Variants in HAUS6 observed in about 807,000 individuals in gnomAD.
HAUS6 encodes HAUS augmin like complex subunit 6.
A neutral mutation model predicts 106.8 loss-of-function variants in HAUS6; 80 were observed. The observed-to-expected ratio is 0.75, with a 90% CI of 0.63 to 0.90. The LOEUF is 0.90. Ranked by LOEUF, HAUS6 falls within the 40% of genes least tolerant of loss-of-function variation. The pLI, the probability that HAUS6 is intolerant of heterozygous loss-of-function variation, is 0.00. For missense variants in HAUS6, 1,155 were observed against 1,118.1 expected, an observed-to-expected ratio of 1.03 and a Z score of -0.47; for synonymous variants, 356 against 379.1, an observed-to-expected ratio of 0.94 and a Z score of 0.71.
chr9:19,099,746 G>C (rs753622407), intron 1 of HAUS6, among the ~76,000 whole-genome samples: 1 of 152,102 alleles, frequency 6.6e-6, no homozygotes, highest in African/African-American at 2.4e-5. Context: ...CAAATGCATC[G>C]AGCAATTTTA....
At chr9:19,072,027 TA>T (rs1836891377) in intron 11 of HAUS6, among the ~76,000 whole-genome samples, 1 of 144,496 alleles carries the variant, frequency 6.9e-6, no homozygotes, top group Admixed American at 6.8e-5. Context: ...CCGTCTCTAC[TA>T]AAAATACAAA....
chr9:19,102,549 T>C lies in HAUS6; in HGVS notation c.103A>G (p.Ile35Val). ...PGPATIACGK[I>V]VSHTHLGVNM... Reference sequence around the variant, plus strand: ...ACTCCGAGGTGCGTGTGCGACACGATCTTTCCGCAGGCAATGGTTGCCGGG... The same window carrying C: ...ACTCCGAGGTGCGTGTGCGACACGACCTTTCCGCAGGCAATGGTTGCCGGG... The change falls in exon 1 of 17, where the codon ATC (isoleucine) becomes GTC (valine). Residue 35 changes from isoleucine (I) to valine (V), a missense_variant. Ile to Val is a conservative substitution (Grantham distance 29). Transcript: ENST00000380502. 6.2e-7 allele frequency: 1 copy of C among 1,613,776 alleles called. No homozygotes were observed. The highest frequency in any genetic ancestry group is 1.7e-4 in the Middle Eastern group (1 of 6,056).
intron 8 of HAUS6, among the ~76,000 whole-genome samples, chr9:19,082,495 T>C (rs1837178934): frequency 6.6e-6 from 1 of 152,152 alleles, no homozygotes; most frequent in African/African-American, 2.4e-5. Context: ...ACGCCTGTAA[T>C]CCCAGCACTT....
At chr9:19,060,285 ACC>A in intron 14 of HAUS6, 62 bp from the exon 15 acceptor site, 1 of 1,300,754 alleles carries the variant, frequency 7.7e-7, no homozygotes, top group African/African-American at 1.5e-5. Flanking sequence ...ATGCAACAAA[ACC>A]CCTGATAAGG....
intron 1 of HAUS6, among the ~76,000 whole-genome samples, chr9:19,097,860 G>T (rs1335385354): frequency 6.6e-6 from 1 of 151,480 alleles, no homozygotes; most frequent in Non-Finnish European, 1.5e-5. Flanking sequence ...TAACTTAAAC[G>T]GCAAAGCATG....
In HAUS6 at chr9:19,055,126, G is replaced by A. The variant is rs981350371; in HGVS notation, c.*1217C>T. Reference sequence around the variant, plus strand: ...ACCAACTTAGAGAAAGGCAGCCCAAGATAAAAGAAATAACTATTAAGCCAT... The same window carrying A: ...ACCAACTTAGAGAAAGGCAGCCCAAAATAAAAGAAATAACTATTAAGCCAT... On this transcript the variant is annotated 3_prime_UTR_variant, in exon 17 of 17. Transcript: ENST00000380502. The A allele has an allele frequency of 3.9e-5, 6 of 152,326 alleles. 1 individual carries two copies. The highest frequency in any genetic ancestry group is 1.3e-4 in the Admixed American group (2 of 15,298). 9.4% of individuals were successfully genotyped at this position (152,326 alleles called of 1,614,324 possible). A position where few individuals can be genotyped will look rare whatever the true frequency, so the allele number is the denominator to read the frequency against.
intron 15 of HAUS6, among the ~76,000 whole-genome samples, chr9:19,059,263 C>T (rs1376912198): frequency 6.6e-6 from 1 of 152,182 alleles, no homozygotes; most frequent in Non-Finnish European, 1.5e-5. Flanking sequence ...ATATGAATTA[C>T]ATGTATTAAA....
intron 1 of HAUS6, among the ~76,000 whole-genome samples, chr9:19,099,985 AAT>A: frequency 6.6e-6 from 1 of 152,290 alleles, no homozygotes; most frequent in Middle Eastern, 3.4e-3. Flanking sequence ...CAAGGTCAGG[AAT>A]TTAAGATTCC....
intron 3 of HAUS6, 108 bp from the exon 4 acceptor site, chr9:19,093,411 C>G: frequency 1.0e-6 from 1 of 985,846 alleles, no homozygotes. Flanking sequence ...AATAGAAGTC[C>G]CACATTTTCA....
Position 19,102,792 on chromosome 9 carries a change from G to C in HAUS6, c.-141C>G, listed in dbSNP as rs1176780029. On this transcript the variant is annotated 5_prime_UTR_variant, in exon 1 of 17. Coordinates refer to ENST00000380502, the MANE Select transcript of HAUS6 (RefSeq NM_017645.5). ...AACGCCTGCTCCTTTCACGCCCAGAGCGATTTCGCCTCAAAGGGCCTCACA... is the reference window on the plus strand; with the variant it reads ...AACGCCTGCTCCTTTCACGCCCAGACCGATTTCGCCTCAAAGGGCCTCACA... The C allele has an allele frequency of 1.3e-6, 1 of 781,022 alleles. No individual in the cohort carries two copies. The highest frequency in any genetic ancestry group is 2.0e-6 in the Non-Finnish European group (1 of 506,548). The allele number at this position is 781,022 out of a possible 1,614,324, so 48.4% of individuals were successfully genotyped here.
chr9:19,096,849 T>G, intron 1 of HAUS6, 80 bp from the exon 2 acceptor site: 1 of 621,886 alleles, frequency 1.6e-6, no homozygotes. Context: ...AGTAAGACTT[T>G]GACACAAATT....
At chr9:19,088,082 C>T (rs113544046) in intron 5 of HAUS6, among the ~76,000 whole-genome samples, 2 of 152,242 alleles carry the variant, frequency 1.3e-5, no homozygotes, top group African/African-American at 4.8e-5. Context: ...AGAATATCTG[C>T]TTAATGAAAT....
At chr9:19,093,125 A>G (rs911824816) in intron 4 of HAUS6, 46 bp downstream of exon 4, 2 of 1,300,398 alleles carry the variant, frequency 1.5e-6, no homozygotes, top group Non-Finnish European at 2.1e-6. Context: ...AAGAACAATA[A>G]AAATTTAAGA....
At chr9:19,091,946 G>T (rs1817758855) in intron 4 of HAUS6, among the ~76,000 whole-genome samples, 1 of 152,008 alleles carries the variant, frequency 6.6e-6, no homozygotes, top group Admixed American at 6.6e-5. Flanking sequence ...ACAGGCATGA[G>T]CCACCACACT....
Position 19,063,323 on chromosome 9 carries a change from C to G in HAUS6, c.1444-130G>C, listed in dbSNP as rs190024330. On this transcript the variant is annotated intron_variant, in intron 13 of 16. Coordinates refer to ENST00000380502, the MANE Select transcript of HAUS6 (RefSeq NM_017645.5). ...TTAATACTATTGTGAAATTGTATGT[C>G]ACTGGCAGAATTAACTAATTCCAAT... 2.0e-4 allele frequency: 142 copies of G among 694,462 alleles called. 1 individual carries two copies. In the East Asian group the frequency reaches 3.8e-3, roughly 19 times the overall value. The allele number at this position is 694,462 out of a possible 1,614,324, so 43.0% of individuals were successfully genotyped here. A position where few individuals can be genotyped will look rare whatever the true frequency, so the allele number is the denominator to read the frequency against.
At chr9:19,083,222 TA>T (rs1362350121) in intron 7 of HAUS6, among the ~76,000 whole-genome samples, 179 bp from the exon 8 acceptor site, 1 of 152,082 alleles carries the variant, frequency 6.6e-6, no homozygotes, top group Non-Finnish European at 1.5e-5. Flanking sequence ...AGGGAATTTT[TA>T]AAAAAATGTA....
chr9:19,098,381 T>A (rs1397756290), intron 1 of HAUS6, among the ~76,000 whole-genome samples: 1 of 145,284 alleles, frequency 6.9e-6, no homozygotes, highest in East Asian at 2.0e-4. Context: ...GAGGTTGCAG[T>A]GAGCCAAGAT....
rs756887821 is a variant in HAUS6, at chr9:19,058,429, G to A, written c.2338C>T (p.Leu780Phe). 1 of 1,604,974 alleles carries A rather than the reference G, an allele frequency of 6.2e-7. No homozygotes were observed. The highest frequency in any genetic ancestry group is 8.5e-7 in the Non-Finnish European group (1 of 1,173,010). Residue 780 changes from leucine to phenylalanine, a missense_variant, in exon 16 of 17, where the codon CTC (leucine) becomes TTC (phenylalanine). Around this residue, in one of 3 missense-constraint regions of HAUS6, gnomAD observed 380 missense variants for 394.8 expected, o/e 0.96. Transcript: ENST00000380502. The stretch of plus-strand genomic sequence containing the variant: ...CTTAGATGACCAACTTCTTCCGGGA[G>A]AGTTTCGTGTAATATGCCAAAATCA... ...DNDFGILHET[L>F]PEEVGHLSFN...
At chr9:19,084,746 C>G (rs1254856361) in intron 7 of HAUS6, among the ~76,000 whole-genome samples, 1 of 151,360 alleles carries the variant, frequency 6.6e-6, no homozygotes, top group Admixed American at 6.6e-5. Context: ...GATTCTTGTG[C>G]CTCAGTCACC....
Sources: allele counts gnomAD v4.1 joint callset (sites outside exome capture counted in the v4.1 genomes callset), GRCh38; gene constraint gnomAD v4.1.1; regional missense constraint gnomAD v4.1.1; transcripts MANE v1.5; gene names NCBI Gene and HGNC (gene_info 2026-07-23, HGNC 2026-07-21).